The following FKBP14 variants were observed in gnomAD, a reference collection of about 807,000 sequenced individuals.
FKBP14 encodes peptidyl-prolyl cis-trans isomerase FKBP14.
A neutral mutation model predicts 21.6 loss-of-function variants in FKBP14; 20 were observed. The ratio of observed to expected loss-of-function variants is 0.92; its 90% confidence interval spans 0.65 to 1.34. FKBP14 has a LOEUF of 1.34. FKBP14 is among the 40% of genes most tolerant of loss of function. FKBP14 has a pLI of 0.00. For missense variants in FKBP14, 253 were observed against 249.0 expected, an observed-to-expected ratio of 1.02 and a Z score of -0.11; for synonymous variants, 79 against 86.7, an observed-to-expected ratio of 0.91 and a Z score of 0.49.
chr7:30,017,548 A>G (rs1305420058), intron 3 of FKBP14, among the ~76,000 whole-genome samples: 1 of 151,810 alleles, frequency 6.6e-6, no homozygotes, highest in Middle Eastern at 3.2e-3. Flanking sequence ...CAGCCTGGCA[A>G]CAGAGTGAGA....
downstream of FKBP14, among the ~76,000 whole-genome samples, chr7:30,006,114 G>C (rs1336316704): frequency 8.5e-6 from 1 of 117,344 alleles, no homozygotes; most frequent in African/African-American, 3.1e-5. Flanking sequence ...ATTTAGGATA[G>C]TCTTTTTTTT....
At chr7:30,024,092 T>C (rs1790108469) in intron 1 of FKBP14, among the ~76,000 whole-genome samples, 2 of 152,084 alleles carry the variant, frequency 1.3e-5, no homozygotes. Context: ...TTCAGTGCAA[T>C]AAGGAAAATA....
At chr7:30,021,921 A>G (rs1173645672) in intron 2 of FKBP14, among the ~76,000 whole-genome samples, 1 of 152,186 alleles carries the variant, frequency 6.6e-6, no homozygotes, top group Non-Finnish European at 1.5e-5. Context: ...CTTGAACAGC[A>G]GGATATGTGT....
At chr7:30,025,363 T>A (rs1424790288) in intron 1 of FKBP14, 1 of 152,248 alleles carries the variant, frequency 6.6e-6, no homozygotes, top group Non-Finnish European at 1.5e-5. Flanking sequence ...TTGCATTATT[T>A]ACTTGTCTTT....
At chr7:30,009,906 G>A (rs1216362778), downstream of FKBP14, among the ~76,000 whole-genome samples, 1 of 152,078 alleles carries the variant, frequency 6.6e-6, no homozygotes, top group Non-Finnish European at 1.5e-5. Flanking sequence ...GGCTGAAGCA[G>A]GAGAATCGCT....
Position 30,026,310 on chromosome 7 carries a change from A to C in FKBP14, c.197+2T>G. On this transcript the variant is annotated splice_donor_variant, in intron 1 of 3. Transcript: ENST00000222803. LOFTEE classifies it high-confidence loss of function. Reference sequence around the variant, plus strand: ...TTTTACCTGCGGGGCATAATTACTTACGTGGAGTGAAATAAGGAGCCGTCC... The same window carrying C: ...TTTTACCTGCGGGGCATAATTACTTCCGTGGAGTGAAATAAGGAGCCGTCC... 1.9e-6 allele frequency: 3 copies of C among 1,601,468 alleles called. No individual in the cohort carries two copies. The highest frequency in any genetic ancestry group is 2.6e-6 in the Non-Finnish European group (3 of 1,172,592).
chr7:30,016,867 C>T (rs1789898615), intron 3 of FKBP14, among the ~76,000 whole-genome samples: 1 of 152,024 alleles, frequency 6.6e-6, no homozygotes, highest in African/African-American at 2.4e-5. Flanking sequence ...AAGAAGTACA[C>T]ATATAGTATA....
chr7:30,019,999 C>T (rs1447853395), intron 2 of FKBP14, among the ~76,000 whole-genome samples: 1 of 151,872 alleles, frequency 6.6e-6, no homozygotes, highest in East Asian at 1.9e-4. Flanking sequence ...ATCCCAGGAA[C>T]CTGAAACAAA....
chr7:30,024,657 A>T (rs1296747177), intron 1 of FKBP14, among the ~76,000 whole-genome samples: 3 of 152,166 alleles, frequency 2.0e-5, no homozygotes, highest in African/African-American at 7.2e-5. Context: ...CGGCCTCCCA[A>T]AGTGCTGGGA....
downstream of FKBP14, among the ~76,000 whole-genome samples, chr7:30,007,422 A>C (rs1183403344): frequency 6.6e-6 from 1 of 151,938 alleles, no homozygotes; most frequent in African/African-American, 2.4e-5. Flanking sequence ...GTTGACCAGG[A>C]TGGTCTCGAT....
Position 30,014,779 on chromosome 7 carries a change from AC to A in FKBP14, c.591del (p.Phe198LeufsTer23). On this transcript the variant is annotated frameshift_variant, in exon 4 of 4. Coordinates refer to ENST00000222803, the MANE Select transcript of FKBP14 (RefSeq NM_017946.4). LOFTEE classifies it high-confidence loss of function. Reference sequence around the variant, plus strand: ...TATGTAAATTCTCTGGCAGATATAAACCCATCTTTGTCTTCATCTTCTTTAT... The same window carrying A: ...TATGTAAATTCTCTGGCAGATATAAACCATCTTTGTCTTCATCTTCTTTAT... Reference protein sequence around the residue: ...IFDKEDEDKDGFISAREFTYK... With the variant: ...IFDKEDEDKDXFISAREFTYK... 2 of 1,610,790 alleles carry A rather than the reference AC, an allele frequency of 1.2e-6. No homozygotes were observed. The highest frequency in any genetic ancestry group is 1.7e-6 in the Non-Finnish European group (2 of 1,178,958).
chr7:30,025,487 A>T (rs1356337146), intron 1 of FKBP14: 1 of 152,240 alleles, frequency 6.6e-6, no homozygotes, highest in Non-Finnish European at 1.5e-5. Context: ...AGATGGACAG[A>T]CTAATGAATA....
In FKBP14 at chr7:30,014,012, C is replaced by G. The variant is rs1789815080; in HGVS notation, c.*723G>C. ...CTGGGTAGCTGGGATTACAGGCACG[C>G]ATCACCACGCCCGGCTACTTTTGTA... On this transcript the variant is annotated 3_prime_UTR_variant, in exon 4 of 4. Coordinates refer to ENST00000222803, the MANE Select transcript of FKBP14 (RefSeq NM_017946.4). 6.6e-6 allele frequency: 1 copy of G among 152,108 alleles called. No individual in the cohort carries two copies. The highest frequency in any genetic ancestry group is 2.1e-4 in the South Asian group (1 of 4,824). The allele number at this position is 152,108 out of a possible 1,614,324, so 9.4% of individuals were successfully genotyped here.
In FKBP14 at chr7:30,012,990, ATGACAATTTCCTCGTCTATAAAT is replaced by A; in HGVS notation, c.*1722_*1744del. 6.6e-6 allele frequency: 1 copy of A among 152,182 alleles called. No individual in the cohort carries two copies. The highest frequency in any genetic ancestry group is 1.9e-4 in the East Asian group (1 of 5,198). 9.4% of individuals were successfully genotyped at this position (152,182 alleles called of 1,614,324 possible). A position where few individuals can be genotyped will look rare whatever the true frequency, so the allele number is the denominator to read the frequency against. ...TGGGCATAACAGTCAATCTTTTTGA[ATGACAATTTCCTCGTCTATAAAT>A]TAGGTACAGTGAGATCCACCAGCTT... On this transcript the variant is annotated 3_prime_UTR_variant, in exon 4 of 4. Coordinates refer to ENST00000222803, the MANE Select transcript of FKBP14 (RefSeq NM_017946.4).
chr7:30,022,614 C>A, intron 2 of FKBP14, 51 bp downstream of exon 2: 1 of 1,547,192 alleles, frequency 6.5e-7, no homozygotes, highest in Non-Finnish European at 8.7e-7. Flanking sequence ...GTCTCCTAAT[C>A]CAGAGAACAA....
chr7:30,022,137 C>T (rs549795790), intron 2 of FKBP14, among the ~76,000 whole-genome samples: 17 of 152,210 alleles, frequency 1.1e-4, no homozygotes, highest in African/African-American at 3.9e-4. Flanking sequence ...TGAAGTACAA[C>T]CCATATATAA....
chr7:30,022,594 T>C, intron 2 of FKBP14, 71 bp downstream of exon 2: 1 of 1,489,984 alleles, frequency 6.7e-7, no homozygotes, highest in Non-Finnish European at 9.0e-7. Context: ...TTATAGTGAC[T>C]CTAACTTCTG....
In FKBP14 at chr7:30,026,386, C is replaced by T. The variant is rs149485427; in HGVS notation, c.123G>A (p.Lys41=). The T allele has an allele frequency of 4.3e-4, 702 of 1,614,190 alleles. 2 individuals are homozygous for T. Among genetic ancestry groups the T allele is most frequent in the Non-Finnish European group, 4.6e-4 (543 of 1,180,022 alleles). ...CCAACATCAAATCCCCTCCTTTGGTCTTGCGATGGCAGATGAATGGCTTCT... is the reference window on the plus strand; with the variant it reads ...CCAACATCAAATCCCCTCCTTTGGTTTTGCGATGGCAGATGAATGGCTTCT... ...VLQKPFICHR[K]TKGGDLMLVH... Residue 41 remains lysine, a synonymous_variant, in exon 1 of 4, where the codon AAG becomes AAA. Coordinates refer to ENST00000222803, the MANE Select transcript of FKBP14 (RefSeq NM_017946.4).
rs1789722568 is a variant in FKBP14, at chr7:30,011,450, A to C, written c.*3285T>G. On this transcript the variant is annotated 3_prime_UTR_variant, in exon 4 of 4. Transcript: ENST00000222803. ...AGGCCTTTACATTCACTCACCACTG[A>C]CTCATCCAGAGCAACTTCCAGTTCT... 1 of 150,214 alleles carries C rather than the reference A, an allele frequency of 6.7e-6. No individual in the cohort carries two copies. 9.3% of individuals were successfully genotyped at this position (150,214 alleles called of 1,614,324 possible). A position where few individuals can be genotyped will look rare whatever the true frequency, so the allele number is the denominator to read the frequency against.
Sources: gnomAD v4.1 joint callset for allele counts (sites outside exome capture counted in the v4.1 genomes callset) on GRCh38, gnomAD v4.1.1 for gene constraint, MANE v1.5 for transcripts, NCBI Gene and HGNC (gene_info 2026-07-23, HGNC 2026-07-21) for gene names.